AKAP17A: variants seen among roughly 807,000 people sequenced by gnomAD.
AKAP17A encodes the protein A-kinase anchoring protein 17A, also known as A-kinase anchor protein 17A.
In AKAP17A, 15 loss-of-function variants were observed where a neutral mutation model predicts 52.2. The observed-to-expected ratio is 0.29, with a 90% CI of 0.19 to 0.44. The LOEUF is 0.44. Among genes scored for constraint, AKAP17A ranks in the 20% least tolerant of loss-of-function variants. The pLI is 1.00. For synonymous variants in AKAP17A, 514 were observed against 424.7 expected (o/e 1.21, Z -2.58); for missense variants, 1,060 against 1,007.0 (o/e 1.05, Z -0.71).
In AKAP17A at chrX:1,601,137, G is replaced by A. The variant is rs1340807914; in HGVS notation, c.1631G>A (p.Gly544Asp). The part of the protein sequence containing the change: ...EDGSPEKRCP[G>D]GVLSCIPDNN... Reference sequence around the variant, plus strand: ...GGCTCTCCAGAGAAGAGGTGCCCGGGCGGCGTCCTCTCCTGCATTCCTGAC... The same window carrying A: ...GGCTCTCCAGAGAAGAGGTGCCCGGACGGCGTCCTCTCCTGCATTCCTGAC... The change falls in exon 5 of 5, where the codon GGC (glycine) becomes GAC (aspartate). Residue 544 changes from glycine (G) to aspartate (D), a missense_variant. Coordinates refer to ENST00000313871, the MANE Select transcript of AKAP17A (RefSeq NM_005088.3). 24 of 1,613,660 alleles carry A rather than the reference G, an allele frequency of 1.5e-5. No homozygotes were observed. In the African/African-American group the frequency reaches 2.5e-4, roughly 17 times the overall value.
In AKAP17A at chrX:1,599,180, TG is replaced by T; in HGVS notation, c.912-11del. ...GCGCTCTCTGTGACCACCCCCGGTGTGTTCCACACAGGAAACAAAAGGAGCT... is the reference window on the plus strand; with the variant it reads ...GCGCTCTCTGTGACCACCCCCGGTGTTTCCACACAGGAAACAAAAGGAGCT... On this transcript the variant is annotated splice_polypyrimidine_tract_variant and intron_variant, in intron 3 of 4. Transcript: ENST00000313871. 1 of 1,610,570 alleles carries T rather than the reference TG, an allele frequency of 6.2e-7. No individual in the cohort carries two copies. Among genetic ancestry groups the T allele is most frequent in the Non-Finnish European group, 8.5e-7 (1 of 1,179,176 alleles).
intron 1 of AKAP17A, among the ~76,000 whole-genome samples, chrX:1,592,175 C>G (rs1932849755): frequency 6.6e-6 from 1 of 151,448 alleles, no homozygotes; most frequent in Non-Finnish European, 1.5e-5. Context: ...AAGGGGCTGT[C>G]CGGGGTTTTC....
intron 3 of AKAP17A, among the ~76,000 whole-genome samples, chrX:1,597,715 A>C (rs1933083914): frequency 6.6e-6 from 1 of 151,860 alleles, no homozygotes; most frequent in Admixed American, 6.6e-5. Flanking sequence ...GCGGAGAAGA[A>C]GCTGCATCCT....
intron 4 of AKAP17A, among the ~76,000 whole-genome samples, 181 bp from the exon 5 acceptor site, chrX:1,600,478 A>T (rs746717765): frequency 1.3e-5 from 2 of 152,020 alleles, no homozygotes; most frequent in South Asian, 4.1e-4. Flanking sequence ...GAGCCGAGGG[A>T]TGGACGGGCT....
intron 4 of AKAP17A, chrX:1,600,290 A>G: frequency 1.0e-6 from 1 of 997,752 alleles, no homozygotes; most frequent in South Asian, 1.4e-5. Flanking sequence ...GCGTCATCTC[A>G]GCTCCCTGTT....
At chrX:1,597,960 A>G (rs1933100538) in intron 3 of AKAP17A, among the ~76,000 whole-genome samples, 1 of 152,064 alleles carries the variant, frequency 6.6e-6, no homozygotes, top group African/African-American at 2.4e-5. Flanking sequence ...GCTGTCCCCC[A>G]CTGTCCTTCC....
At chrX:1,595,571 G>A (rs375400665) in intron 3 of AKAP17A, 39 bp downstream of exon 3, 216 of 1,612,124 alleles carry the variant, frequency 1.3e-4, no homozygotes, top group Middle Eastern at 1.2e-3. Flanking sequence ...GCTGGTGTCC[G>A]GCACCTGGGA....
chrX:1,595,550 G>T lies in AKAP17A; in HGVS notation c.911+18G>T. The T allele has an allele frequency of 6.2e-7, 1 of 1,613,226 alleles. No homozygotes were observed. Among genetic ancestry groups the T allele is most frequent in the Non-Finnish European group, 8.5e-7 (1 of 1,179,756 alleles). Reference sequence around the variant, plus strand: ...GAGGAAAGGTACCTTCTGCGGGAGCGGGCCCTCGGCGCTGGTGTCCGGCAC... The same window carrying T: ...GAGGAAAGGTACCTTCTGCGGGAGCTGGCCCTCGGCGCTGGTGTCCGGCAC... On this transcript the variant is annotated intron_variant, in intron 3 of 4. Coordinates refer to ENST00000313871, the MANE Select transcript of AKAP17A (RefSeq NM_005088.3).
chrX:1,597,893 C>T (rs1482741502), intron 3 of AKAP17A, among the ~76,000 whole-genome samples: 1 of 152,056 alleles, frequency 6.6e-6, no homozygotes, highest in Non-Finnish European at 1.5e-5. Flanking sequence ...AGGGGCAGGC[C>T]TGTTGTCTGG....
rs1249201776 is a variant in AKAP17A, at chrX:1,599,152, G to A, written c.912-40G>A. ...TTGTATGGTGTGTGGTGTGTTGGCT[G>A]CGGCGCTCTCTGTGACCACCCCCGG... On this transcript the variant is annotated intron_variant, in intron 3 of 4. Transcript: ENST00000313871. The A allele has an allele frequency of 1.9e-6, 3 of 1,602,152 alleles. No individual in the cohort carries two copies. In the African/African-American group the frequency reaches 4.0e-5, roughly 22 times the overall value.
intron 4 of AKAP17A, chrX:1,600,067 T>C (rs1933272058): frequency 1.0e-6 from 1 of 968,246 alleles, no homozygotes; most frequent in Non-Finnish European, 1.4e-6. Flanking sequence ...GCACGCTCCT[T>C]GTCCTCAGGA....
intron 4 of AKAP17A, among the ~76,000 whole-genome samples, 181 bp from the exon 5 acceptor site, chrX:1,600,478 A>C (rs746717765): frequency 6.6e-6 from 1 of 152,020 alleles, no homozygotes; most frequent in East Asian, 2.0e-4. Context: ...GAGCCGAGGG[A>C]TGGACGGGCT....
At chrX:1,600,550 A>G (rs1473946370) in intron 4 of AKAP17A, 109 bp from the exon 5 acceptor site, 70 of 1,141,626 alleles carry the variant, frequency 6.1e-5, no homozygotes, top group Non-Finnish European at 8.3e-5. Flanking sequence ...CAGGCCGCTG[A>G]TCCTGCATCC....
intron 1 of AKAP17A, 54 bp from the exon 2 acceptor site, chrX:1,593,390 T>A: frequency 6.5e-7 from 1 of 1,536,922 alleles, no homozygotes; most frequent in East Asian, 2.3e-5. Flanking sequence ...CCCCTCCTCA[T>A]TGGCGGGGGA....
chrX:1,599,420 C>G lies in AKAP17A; in HGVS notation c.1140C>G (p.Leu380=), dbSNP rs1350739575. ...CCATCCGGCTCATCGCCGAGCTGCT[C>G]AGCAGAGCCAAGGTACCCGGGGGCT... ...LQSIRLIAEL[L]SRAKAVKLRE... Residue 380 remains leucine (L), a synonymous_variant, in exon 4 of 5, where the codon CTC becomes CTG. Transcript: ENST00000313871. 55 of 1,563,602 alleles carry G rather than the reference C, an allele frequency of 3.5e-5. No homozygotes were observed. The highest frequency in any genetic ancestry group is 4.7e-5 in the Non-Finnish European group (54 of 1,155,158).
chrX:1,601,442 T>A lies in AKAP17A; in HGVS notation c.1936T>A (p.Ser646Thr), dbSNP rs766504908. 1.3e-6 allele frequency: 2 copies of A among 1,571,360 alleles called. No homozygotes were observed. Among genetic ancestry groups the A allele is most frequent in the Non-Finnish European group, 1.7e-6 (2 of 1,166,548 alleles). The change falls in exon 5 of 5, where the codon TCC (serine) becomes ACC (threonine). Residue 646 changes from serine (S) to threonine (T), a missense_variant. By Grantham distance (58) the Ser-to-Thr change is moderately conservative (BLOSUM62 1). Around this residue, in one of 2 missense-constraint regions of AKAP17A, gnomAD observed 793 missense variants for 629.9 expected, o/e 1.26. Coordinates refer to ENST00000313871, the MANE Select transcript of AKAP17A (RefSeq NM_005088.3). Reference sequence around the variant, plus strand: ...CAGCACGAGCCCGGACCACACCCGGTCCCGGAGGTCCCACAGCAAAGACAG... The same window carrying A: ...CAGCACGAGCCCGGACCACACCCGGACCCGGAGGTCCCACAGCAAAGACAG... Reference protein sequence around the residue: ...RRSTSPDHTRSRRSHSKDRHR... With the variant: ...RRSTSPDHTRTRRSHSKDRHR...
chrX:1,593,280 C>T (rs1348388862), intron 1 of AKAP17A, among the ~76,000 whole-genome samples, 164 bp from the exon 2 acceptor site: 2 of 152,146 alleles, frequency 1.3e-5, no homozygotes, highest in African/African-American at 2.4e-5. Flanking sequence ...TAAAGAACTC[C>T]GTTGAGATGG....
chrX:1,594,045 T>C lies in AKAP17A; in HGVS notation c.583T>C (p.Tyr195His), dbSNP rs1212208526. The C allele has an allele frequency of 6.2e-7, 1 of 1,612,188 alleles. No individual in the cohort carries two copies. Among genetic ancestry groups the C allele is most frequent in the Admixed American group, 1.7e-5 (1 of 59,742 alleles). Residue 195 changes from tyrosine (Y) to histidine (H), a missense_variant, in exon 2 of 5, where the codon TAC becomes CAC. Transcript: ENST00000313871. ...RNVDIPMLDP[Y>H]REEMTGRNFH... ...TGTGGACATCCCCATGCTGGACCCC[T>C]ACCGGGAGGAGATGACGGGCCGCAA...
At chrX:1,599,493 C>G (rs1206775696) in intron 4 of AKAP17A, 61 bp downstream of exon 4, 1 of 1,550,366 alleles carries the variant, frequency 6.5e-7, no homozygotes, top group Admixed American at 2.0e-5. Flanking sequence ...GTGCCCTCCC[C>G]TGAAATGCGG....
Sources: gnomAD v4.1 joint callset for allele counts (sites outside exome capture counted in the v4.1 genomes callset) on GRCh38, gnomAD v4.1.1 for gene constraint, gnomAD v4.1.1 regional missense constraint, MANE v1.5 for transcripts, NCBI Gene and HGNC (gene_info 2026-07-23, HGNC 2026-07-21) for gene names.